The following FAM184B variants were observed in gnomAD, a reference collection of about 807,000 sequenced individuals.
The protein encoded by FAM184B is family with sequence similarity 184 member B, also known as protein FAM184B.
In FAM184B, 111 loss-of-function variants were observed where a neutral mutation model predicts 135.9. The ratio of observed to expected loss-of-function variants is 0.82; its 90% confidence interval spans 0.70 to 0.96. The LOEUF is 0.96. FAM184B is among the 40% of genes least tolerant of loss of function. The pLI is 0.00. For missense variants in FAM184B, 1,375 were observed against 1,323.9 expected (o/e 1.04, Z -0.60); for synonymous variants, 552 against 524.8 (o/e 1.05, Z -0.71).
chr4:17,634,900 GAATA>G (rs1449232351), intron 16 of FAM184B, 105 bp downstream of exon 16: 13 of 630,748 alleles, frequency 2.1e-5, no homozygotes, highest in Non-Finnish European at 3.3e-5. Flanking sequence ...TTTTTCCAAT[GAATA>G]TTTTTCTGAG....
intron 15 of FAM184B, among the ~76,000 whole-genome samples, chr4:17,636,254 C>A (rs1445865686): frequency 1.3e-5 from 2 of 152,092 alleles, no homozygotes; most frequent in African/African-American, 2.4e-5. Flanking sequence ...TACAGATGCC[C>A]ACAACCACAC....
chr4:17,689,781 C>A (rs926391327), intron 6 of FAM184B, among the ~76,000 whole-genome samples: 3 of 152,102 alleles, frequency 2.0e-5, no homozygotes, highest in African/African-American at 7.2e-5. Flanking sequence ...CTACACCCAG[C>A]CAGGAACCTC....
chr4:17,638,709 C>T (rs1326939984), intron 14 of FAM184B, among the ~76,000 whole-genome samples: 2 of 152,196 alleles, frequency 1.3e-5, no homozygotes, highest in African/African-American at 4.8e-5. Context: ...CAGCCCTGAT[C>T]CTTCTGATTT....
Position 17,664,642 on chromosome 4 carries a change from C to T in FAM184B, c.1614G>A (p.Leu538=). 3.9e-6 allele frequency: 6 copies of T among 1,549,430 alleles called. No individual in the cohort carries two copies. Among genetic ancestry groups the T allele is most frequent in the Non-Finnish European group, 4.4e-6 (5 of 1,146,496 alleles). ...CCTCTCCTCTCGGCGAAGTTTCATC[C>T]AGCTTCAAGCATGGATCCTAAGGCC... ...ILETQDPCLK[L]DETSPRGEEY... The change falls in exon 8 of 18, where the codon CTG becomes CTA. Residue 538 remains leucine, a synonymous_variant. Transcript: ENST00000265018.
At chr4:17,715,223 C>T (rs564440204) in intron 1 of FAM184B, among the ~76,000 whole-genome samples, 23 of 151,970 alleles carry the variant, frequency 1.5e-4, no homozygotes, top group Admixed American at 1.4e-3. Flanking sequence ...ACCTGTAATC[C>T]CAGCACTTTG....
At chr4:17,700,342 C>T (rs1202210220) in intron 5 of FAM184B, among the ~76,000 whole-genome samples, 2 of 152,136 alleles carry the variant, frequency 1.3e-5, no homozygotes, top group Non-Finnish European at 2.9e-5. Flanking sequence ...GACCAAGATA[C>T]ACTAACCGTA....
chr4:17,695,268 T>C lies in FAM184B; in HGVS notation c.1378-1856A>G, dbSNP rs552586468. 9.9e-5 allele frequency among the ~76,000 whole-genome samples: 15 copies of C among 151,872 alleles called. No individual in the cohort carries two copies. In the South Asian group the frequency reaches 3.1e-3, roughly 32 times the overall value. On this transcript the variant is annotated intron_variant, in intron 5 of 17. Transcript: ENST00000265018. Reference sequence around the variant, plus strand: ...CCCTTGACCACCCGGGCTCAAGCAATCCTCCTACCTCAGCCTCTGAAGTAG... The same window carrying C: ...CCCTTGACCACCCGGGCTCAAGCAACCCTCCTACCTCAGCCTCTGAAGTAG...
chr4:17,663,636 A>C (rs1715971936), intron 8 of FAM184B, among the ~76,000 whole-genome samples: 2 of 149,904 alleles, frequency 1.3e-5, no homozygotes, highest in Non-Finnish European at 3.0e-5. Context: ...ACACACACAC[A>C]CACACACAAA....
Position 17,636,558 on chromosome 4 carries a change from C to T in FAM184B, c.2754G>A (p.Lys918=). 1 of 1,551,116 alleles carries T rather than the reference C, an allele frequency of 6.4e-7. No individual in the cohort carries two copies. Among genetic ancestry groups the T allele is most frequent in the Non-Finnish European group, 8.7e-7 (1 of 1,146,922 alleles). The change falls in exon 15 of 18, where the codon AAG becomes AAA. Residue 918 remains lysine (K), a synonymous_variant. Transcript: ENST00000265018. The part of the protein sequence containing the change: ...QLIGRLQTRL[K]EREDIIKQLT... ...GCTGCTTGATGATGTCCTCTCTCTC[C>T]TTCAGGCGGGTCTGCAGGCGGCCAA...
chr4:17,749,072 G>A (rs1259932863), intron 1 of FAM184B, among the ~76,000 whole-genome samples: 2 of 149,572 alleles, frequency 1.3e-5, no homozygotes, highest in South Asian at 4.2e-4. Flanking sequence ...GGCTTCAAGC[G>A]ATTCTCCTAC....
chr4:17,636,734 C>G (rs1238609694), intron 14 of FAM184B, 89 bp from the exon 15 acceptor site: 1 of 1,121,418 alleles, frequency 8.9e-7, no homozygotes, highest in Non-Finnish European at 1.2e-6. Context: ...GAATGCCATC[C>G]TGTGTTCAGC....
At chr4:17,744,726 A>G (rs1010192893) in intron 1 of FAM184B, among the ~76,000 whole-genome samples, 10 of 151,954 alleles carry the variant, frequency 6.6e-5, no homozygotes, top group Non-Finnish European at 1.0e-4. Context: ...TCTCAAAAAA[A>G]AAAAAAGAAA....
intron 1 of FAM184B, among the ~76,000 whole-genome samples, chr4:17,737,930 A>T (rs758294534): frequency 6.6e-6 from 1 of 152,232 alleles, no homozygotes; most frequent in Non-Finnish European, 1.5e-5. Context: ...ACAATTTAGC[A>T]ACAAACAGAC....
rs141436753 is a variant in FAM184B at position 17,686,580 on chromosome 4, G to T, written c.1596+1844C>A. 4.2e-3 allele frequency among the ~76,000 whole-genome samples: 634 copies of T among 152,304 alleles called. 3 individuals are homozygous for T. The highest frequency in any genetic ancestry group is 0.014 in the African/African-American group (590 of 41,564). ...TGGCTATTTACCTGCCTGTGACTGT[G>T]GGCAGGTCACCTGCCCTCACCTTCA... On this transcript the variant is annotated intron_variant, in intron 7 of 17. Coordinates refer to ENST00000265018, the MANE Select transcript of FAM184B (RefSeq NM_015688.2).
In FAM184B at chr4:17,631,074, C is replaced by T. The variant is rs1714922440; in HGVS notation, c.*1458G>A. ...TGCTCTGTCAGAAGGTAAGACAAAT[C>T]AGTGTGGACTGAGAGCAAGGTCAGC... is the stretch of plus-strand genomic sequence containing the variant. On this transcript the variant is annotated 3_prime_UTR_variant, in exon 18 of 18. Coordinates refer to ENST00000265018, the MANE Select transcript of FAM184B (RefSeq NM_015688.2). The T allele has an allele frequency of 6.6e-6, 1 of 152,202 alleles. No individual in the cohort carries two copies. 9.4% of individuals were successfully genotyped at this position (152,202 alleles called of 1,614,324 possible).
chr4:17,689,615 A>G (rs757847297), intron 6 of FAM184B, among the ~76,000 whole-genome samples: 5 of 152,104 alleles, frequency 3.3e-5, no homozygotes, highest in Non-Finnish European at 5.9e-5. Flanking sequence ...GCTCTGTGCC[A>G]CCCAGGAATC....
chr4:17,677,920 C>T lies in FAM184B; in HGVS notation c.1596+10504G>A, dbSNP rs187720705. On this transcript the variant is annotated intron_variant, in intron 7 of 17. Coordinates refer to ENST00000265018, the MANE Select transcript of FAM184B (RefSeq NM_015688.2). ...ACATAAACAATTAAAACAAAAAAAT[C>T]ACATGATCATCTCAATAGATGCAGA... Among the ~76,000 whole-genome samples the T allele has an allele frequency of 5.1e-3, 770 of 152,248 alleles. 1 individual carries two copies. Among genetic ancestry groups the T allele is most frequent in the Middle Eastern group, 0.014 (4 of 294 alleles).
At chr4:17,726,395 G>C (rs1002725958) in intron 1 of FAM184B, among the ~76,000 whole-genome samples, 2 of 151,890 alleles carry the variant, frequency 1.3e-5, no homozygotes, top group African/African-American at 4.8e-5. Context: ...TATTGGGACA[G>C]AGTTTTGCCC....
chr4:17,690,388 G>A (rs1046212290), intron 6 of FAM184B, among the ~76,000 whole-genome samples: 4 of 152,158 alleles, frequency 2.6e-5, no homozygotes, highest in African/African-American at 9.6e-5. Context: ...AGCCTTGGAG[G>A]ATAGTGGTAG....
Sources: gnomAD v4.1 joint callset for allele counts (sites outside exome capture counted in the v4.1 genomes callset) on GRCh38, gnomAD v4.1.1 for gene constraint, MANE v1.5 for transcripts, NCBI Gene and HGNC (gene_info 2026-07-23, HGNC 2026-07-21) for gene names.